FARS2: variants seen among roughly 807,000 people sequenced by gnomAD.
The protein encoded by FARS2 is phenylalanyl-tRNA synthetase 2, mitochondrial, also known as phenylalanine--tRNA ligase, mitochondrial.
FARS2 carries 40 observed loss-of-function variants against 46.4 expected under a neutral mutation model. That is an observed-to-expected ratio of 0.86 (90% CI 0.67 to 1.12). FARS2 has a LOEUF of 1.12. Among genes scored for constraint, FARS2 ranks in the 50% most tolerant of loss-of-function variants. The probability of loss-of-function intolerance (pLI) is 0.00; values close to 1 mark genes in which losing one functional copy is unlikely to be tolerated. For synonymous variants in FARS2, 234 were observed against 214.9 expected (o/e 1.09, Z -0.78); for missense variants, 513 against 567.9 (o/e 0.90, Z 0.98).
In FARS2 at chr6:5,473,563, GA is replaced by G. The variant is rs1705437567; in HGVS notation, c.904+42393del. ...AAAAAAACAAAAAAAAAAAACAAAA[GA>G]ATACCCTGCTCCTGATTCAGGAGAG... On this transcript the variant is annotated intron_variant, in intron 4 of 6. Transcript: ENST00000274680. 1.3e-4 allele frequency among the ~76,000 whole-genome samples: 18 copies of G among 143,764 alleles called. No individual in the cohort carries two copies. The South Asian group carries it at 3.8e-3, about 30-fold the overall frequency. The allele number at this position is 143,764 out of a possible 152,430, so 94.3% of individuals were successfully genotyped here.
chr6:5,252,893 A>G, the FARS2 span, among the ~76,000 whole-genome samples: 60 of 152,162 alleles, frequency 3.9e-4, no homozygotes, highest in Non-Finnish European at 7.5e-4. Flanking sequence ...TGGCAGCTAC[A>G]TACCTCTAGA....
intron 5 of FARS2, among the ~76,000 whole-genome samples, chr6:5,585,895 A>G (rs567729807): frequency 6.6e-6 from 1 of 152,198 alleles, no homozygotes; most frequent in East Asian, 1.9e-4. Flanking sequence ...TCTTCTAAAT[A>G]CTGATTTCAT....
intron 6 of FARS2, among the ~76,000 whole-genome samples, chr6:5,713,428 G>T (rs1027971094): frequency 1.3e-5 from 2 of 152,226 alleles, no homozygotes; most frequent in Non-Finnish European, 2.9e-5. Context: ...ACAGAAAAAT[G>T]AAGTTTATTT....
chr6:5,457,600 C>A (rs1764974091), intron 4 of FARS2, among the ~76,000 whole-genome samples: 1 of 152,138 alleles, frequency 6.6e-6, no homozygotes, highest in Non-Finnish European at 1.5e-5. Flanking sequence ...GATAGCAGGG[C>A]CTGTGTTTTA....
chr6:5,277,748 A>G (rs963493807), intron 1 of FARS2, among the ~76,000 whole-genome samples: 1 of 152,216 alleles, frequency 6.6e-6, no homozygotes, highest in Non-Finnish European at 1.5e-5. Flanking sequence ...AAATCTTTAT[A>G]TATCATGATT....
intron 5 of FARS2, among the ~76,000 whole-genome samples, chr6:5,588,273 G>A (rs1327671425): frequency 6.6e-6 from 1 of 152,154 alleles, no homozygotes; most frequent in Admixed American, 6.5e-5. Context: ...GGCGTGGGCA[G>A]CAGGGCATTG....
intron 5 of FARS2, among the ~76,000 whole-genome samples, chr6:5,600,849 A>G (rs1356630034): frequency 6.6e-6 from 1 of 152,222 alleles, no homozygotes; most frequent in East Asian, 1.9e-4. Context: ...TACTTCTGGA[A>G]ACAGTAGTAG....
intron 4 of FARS2, among the ~76,000 whole-genome samples, chr6:5,473,533 C>CAAAAAAAAAACA (rs1561645247): frequency 1.2e-4 from 10 of 81,862 alleles, no homozygotes; most frequent in East Asian, 8.3e-4. Context: ...TCTCAAAAAA[C>CAAAAAAAAAACA]AAAAAAAAAA....
At chr6:5,282,494 T>G (rs923556822) in intron 1 of FARS2, among the ~76,000 whole-genome samples, 4 of 151,992 alleles carry the variant, frequency 2.6e-5, no homozygotes, top group Non-Finnish European at 5.9e-5. Context: ...AGGGAGACAA[T>G]CATGACATGG....
intron 1 of FARS2, among the ~76,000 whole-genome samples, chr6:5,268,416 A>G (rs1765702581): frequency 6.6e-6 from 1 of 152,198 alleles, no homozygotes; most frequent in African/African-American, 2.4e-5. Context: ...TTCAGCTTCT[A>G]CATATGGCTA....
intron 1 of FARS2, among the ~76,000 whole-genome samples, chr6:5,293,169 G>A (rs1767622209): frequency 6.6e-6 from 1 of 152,194 alleles, no homozygotes; most frequent in Non-Finnish European, 1.5e-5. Flanking sequence ...GAGGAATTGC[G>A]AACAAGAAGT....
At chr6:5,344,196 G>A (rs1277123600) in intron 1 of FARS2, among the ~76,000 whole-genome samples, 3 of 152,190 alleles carry the variant, frequency 2.0e-5, no homozygotes, top group African/African-American at 4.8e-5. Flanking sequence ...GCTGTTTCCT[G>A]TAGAGAGGTT....
At chr6:5,384,517 T>C in intron 2 of FARS2, among the ~76,000 whole-genome samples, 1 of 152,200 alleles carries the variant, frequency 6.6e-6, no homozygotes, top group East Asian at 1.9e-4. Flanking sequence ...CTATTGTCCC[T>C]GGCCTCTGGA....
At chr6:5,381,370 A>AATACACACAC (rs368344271) in intron 2 of FARS2, among the ~76,000 whole-genome samples, 9 of 132,984 alleles carry the variant, frequency 6.8e-5, no homozygotes, top group South Asian at 2.5e-4. Context: ...ACTCCCCAGA[A>AATACACACAC]ACACACACAC....
intron 6 of FARS2, among the ~76,000 whole-genome samples, chr6:5,687,417 G>A (rs1197931423): frequency 6.6e-6 from 1 of 152,116 alleles, no homozygotes; most frequent in African/African-American, 2.4e-5. Context: ...TTCTACATAT[G>A]GCTAGCCAGT....
At chr6:5,645,978 C>A (rs1360310982) in intron 6 of FARS2, among the ~76,000 whole-genome samples, 1 of 152,174 alleles carries the variant, frequency 6.6e-6, no homozygotes, top group Non-Finnish European at 1.5e-5. Flanking sequence ...GAGGTAGGGA[C>A]TAGAATGATG....
At chr6:5,666,026 C>T (rs1205102975) in intron 6 of FARS2, among the ~76,000 whole-genome samples, 1 of 152,102 alleles carries the variant, frequency 6.6e-6, no homozygotes, top group Non-Finnish European at 1.5e-5. Context: ...ACCTCTGGCT[C>T]CATGGCAGGA....
In FARS2 at chr6:5,650,252, C is replaced by T. The variant is rs1029269487; in HGVS notation, c.1217+36932C>T. 5.4e-5 allele frequency among the ~76,000 whole-genome samples: 6 copies of T among 111,312 alleles called. No individual in the cohort carries two copies. The East Asian group carries it at 1.4e-3, about 25-fold the overall frequency. The allele number at this position is 111,312 out of a possible 152,430, so 73.0% of individuals were successfully genotyped here. A position where few individuals can be genotyped will look rare whatever the true frequency, so the allele number is the denominator to read the frequency against. ...TCCTGGTACCGATGTCAAAGTGGGC[C>T]ACATTTCTTTTTTTTTTTTTTTTTT... On this transcript the variant is annotated intron_variant, in intron 6 of 6. Transcript: ENST00000274680.
At chr6:5,450,284 G>A (rs762177657) in intron 4 of FARS2, among the ~76,000 whole-genome samples, 2 of 151,920 alleles carry the variant, frequency 1.3e-5, no homozygotes, top group Non-Finnish European at 2.9e-5. Flanking sequence ...CATCTAGTGT[G>A]ACTTGGGGAA....
Sources: gnomAD v4.1 joint callset for allele counts (sites outside exome capture counted in the v4.1 genomes callset) on GRCh38, gnomAD v4.1.1 for gene constraint, MANE v1.5 for transcripts, NCBI Gene and HGNC (gene_info 2026-07-23, HGNC 2026-07-21) for gene names.